Variants in ROCK1 observed in about 807,000 individuals in gnomAD.
ROCK1 encodes the protein Rho associated coiled-coil containing protein kinase 1.
Under a neutral mutation model 196.8 loss-of-function variants are expected in ROCK1, and 36 were observed. That is an observed-to-expected ratio of 0.18 (90% confidence interval 0.14 to 0.24). ROCK1 has a LOEUF of 0.24. Among genes scored for constraint, ROCK1 ranks in the 10% least tolerant of loss-of-function variants. The pLI, the probability that ROCK1 is intolerant of heterozygous loss-of-function variation, is 1.00. For synonymous variants in ROCK1, 443 were observed against 515.9 expected (o/e 0.86, Z 1.91); for missense variants, 920 against 1,562.0 (o/e 0.59, Z 6.93).
intron 9 of ROCK1, among the ~76,000 whole-genome samples, chr18:21,029,757 A>G (rs1263263611): frequency 6.6e-6 from 1 of 152,128 alleles, no homozygotes; most frequent in Non-Finnish European, 1.5e-5. Flanking sequence ...ACTAACATCT[A>G]TTTTTGGGGC....
At chr18:21,100,348 C>G (rs1425941011) in intron 1 of ROCK1, among the ~76,000 whole-genome samples, 1 of 150,136 alleles carries the variant, frequency 6.7e-6, no homozygotes, top group Admixed American at 6.6e-5. Flanking sequence ...GGCTGATTTC[C>G]AAGTCTGAGG....
At chr18:21,099,672 G>A (rs2036641878) in intron 1 of ROCK1, among the ~76,000 whole-genome samples, 1 of 152,202 alleles carries the variant, frequency 6.6e-6, no homozygotes, top group Admixed American at 6.5e-5. Flanking sequence ...TTGAGCCCAG[G>A]AGGAAGAGGC....
At chr18:21,012,577 T>C (rs2035828215) in intron 13 of ROCK1, among the ~76,000 whole-genome samples, 1 of 152,180 alleles carries the variant, frequency 6.6e-6, no homozygotes, top group Admixed American at 6.5e-5. Flanking sequence ...TTGTCATTAA[T>C]TTTCAGAAAT....
rs763144767 is a variant in ROCK1 at position 20,982,803 on chromosome 18, C to A, written c.2519G>T (p.Arg840Leu). 2.5e-6 allele frequency: 4 copies of A among 1,579,902 alleles called. No individual in the cohort carries two copies. In the South Asian group the frequency reaches 4.5e-5, roughly 18 times the overall value. ...AGCTTCAAGCTGATCTTGTAGCTCC[C>A]GCATCTGTCCTTCATTTCCTCTATA... ...KQYRGNEGQM[R>L]ELQDQLEAEQ... Residue 840 changes from arginine (R) to leucine (L), a missense_variant, in exon 21 of 33, where the codon CGG (arginine) becomes CTG (leucine). By Grantham distance (102) the Arg-to-Leu change is moderately radical (BLOSUM62 -2). Around this residue, in one of 6 missense-constraint regions of ROCK1, gnomAD observed 520 missense variants for 657.1 expected, o/e 0.79. Transcript: ENST00000399799.
intron 8 of ROCK1, among the ~76,000 whole-genome samples, chr18:21,040,849 G>C (rs1393024594): frequency 6.6e-6 from 1 of 152,114 alleles, no homozygotes; most frequent in Non-Finnish European, 1.5e-5. Flanking sequence ...AATTGGCCAG[G>C]TGCGGTGGCT....
intron 12 of ROCK1, among the ~76,000 whole-genome samples, chr18:21,017,569 T>C (rs2035874817): frequency 6.6e-6 from 1 of 152,188 alleles, no homozygotes; most frequent in Admixed American, 6.5e-5. Flanking sequence ...ATGTCGTGAT[T>C]TATTCAGTAC....
intron 11 of ROCK1, among the ~76,000 whole-genome samples, chr18:21,023,163 G>GCT: frequency 6.6e-6 from 1 of 152,052 alleles, no homozygotes; most frequent in South Asian, 2.1e-4. Flanking sequence ...TCTAGAGATG[G>GCT]ATGGCAGTGA....
intron 20 of ROCK1, 35 bp downstream of exon 20, chr18:20,984,316 A>G (rs1429213735): frequency 6.7e-7 from 1 of 1,501,490 alleles, no homozygotes; most frequent in Non-Finnish European, 9.1e-7. Flanking sequence ...GAACACAAAA[A>G]AGAAAGAAAT....
intron 16 of ROCK1, among the ~76,000 whole-genome samples, chr18:20,998,315 T>G (rs2035690508): frequency 1.3e-5 from 2 of 152,120 alleles, no homozygotes; most frequent in African/African-American, 4.8e-5. Context: ...CAAGAAAGCT[T>G]ATAGCTCTGA....
At chr18:21,088,658 G>GT (rs766003655) in intron 1 of ROCK1, among the ~76,000 whole-genome samples, 4 of 152,196 alleles carry the variant, frequency 2.6e-5, no homozygotes, top group Non-Finnish European at 5.9e-5. Context: ...GAGAAACAGT[G>GT]TTAAGAGGTG....
In ROCK1 at chr18:20,967,800, G is replaced by C; in HGVS notation, c.3144C>G (p.Phe1048Leu). 6.2e-7 allele frequency: 1 copy of C among 1,606,584 alleles called. No homozygotes were observed. Among genetic ancestry groups the C allele is most frequent in the Non-Finnish European group, 8.5e-7 (1 of 1,177,810 alleles). ...QLELNQEREK[F>L]NQMVVKHQKE... ...TCTGATGTTTCACTACCATCTGGTT[G>C]AATTTCTCTCTTTCTTGGTTGAGTT... Residue 1048 changes from phenylalanine to leucine, a missense_variant, in exon 26 of 33, where the codon TTC (phenylalanine) becomes TTG (leucine). Phe to Leu is a conservative substitution (Grantham distance 22). This residue lies in a region of ROCK1 where 116 missense variants were observed against 204.2 expected (regional missense o/e 0.57). Coordinates refer to ENST00000399799, the MANE Select transcript of ROCK1 (RefSeq NM_005406.3).
At chr18:20,978,618 C>A (rs998117836) in intron 22 of ROCK1, among the ~76,000 whole-genome samples, 5 of 152,184 alleles carry the variant, frequency 3.3e-5, no homozygotes, top group African/African-American at 1.2e-4. Flanking sequence ...GATACAACTA[C>A]TGACTTCCAG....
At chr18:21,027,939 T>A (rs2035974363) in intron 10 of ROCK1, among the ~76,000 whole-genome samples, 1 of 145,044 alleles carries the variant, frequency 6.9e-6, no homozygotes, top group South Asian at 2.2e-4. Flanking sequence ...TTTTTTGTAT[T>A]TTTAGTAGAG....
At chr18:21,099,588 T>G (rs1177749258) in intron 1 of ROCK1, among the ~76,000 whole-genome samples, 1 of 152,098 alleles carries the variant, frequency 6.6e-6, no homozygotes, top group Non-Finnish European at 1.5e-5. Context: ...TACAAAACAT[T>G]TTTAAAATCA....
chr18:21,028,693 A>T, intron 10 of ROCK1, 83 bp downstream of exon 10: 1 of 1,240,880 alleles, frequency 8.1e-7, no homozygotes, highest in Non-Finnish European at 1.1e-6. Context: ...ATATAGCATT[A>T]AATCTACTTT....
intron 29 of ROCK1, among the ~76,000 whole-genome samples, chr18:20,959,146 A>ATATATAT (rs2035297535): frequency 1.0e-4 from 6 of 59,060 alleles, no homozygotes; most frequent in African/African-American, 5.2e-4. Context: ...ATATTATATA[A>ATATATAT]AATATATATA....
chr18:20,971,697 T>C (rs1482878479), intron 22 of ROCK1, among the ~76,000 whole-genome samples: 1 of 144,328 alleles, frequency 6.9e-6, no homozygotes, highest in Non-Finnish European at 1.5e-5. Flanking sequence ...AATAAATAAA[T>C]AAATAAATAA....
chr18:21,012,579 T>G (rs1204884578), intron 13 of ROCK1, among the ~76,000 whole-genome samples: 4 of 152,200 alleles, frequency 2.6e-5, no homozygotes. Flanking sequence ...GTCATTAATT[T>G]TCAGAAATCT....
At chr18:21,061,600 C>T (rs1267776635) in intron 2 of ROCK1, among the ~76,000 whole-genome samples, 1 of 152,130 alleles carries the variant, frequency 6.6e-6, no homozygotes, top group Non-Finnish European at 1.5e-5. Context: ...ACACTTTATG[C>T]AAATTTAAAA....
Sources: gnomAD v4.1 joint callset for allele counts (sites outside exome capture counted in the v4.1 genomes callset) on GRCh38, gnomAD v4.1.1 for gene constraint, gnomAD v4.1.1 regional missense constraint, MANE v1.5 for transcripts, NCBI Gene and HGNC (gene_info 2026-07-23, HGNC 2026-07-21) for gene names.